The following RAPGEF2 variants were observed in gnomAD, a reference collection of about 807,000 sequenced individuals.
RAPGEF2 encodes PDZ domain containing guanine nucleotide exchange factor (GEF) 1.
In RAPGEF2, 54 loss-of-function variants were observed where a neutral mutation model predicts 186.7. The observed-to-expected ratio is 0.29, with a 90% confidence interval of 0.23 to 0.36. The LOEUF (loss-of-function observed/expected upper bound fraction) is 0.36. Ranked by LOEUF, RAPGEF2 falls within the 10% of genes least tolerant of loss-of-function variation. The probability of loss-of-function intolerance (pLI) is 1.00; values close to 1 mark genes in which losing one functional copy is unlikely to be tolerated. For missense variants in RAPGEF2, 1,532 were observed against 2,045.0 expected (o/e 0.75, Z 4.84); for synonymous variants, 712 against 705.9 (o/e 1.01, Z -0.14).
Position 159,260,429 on chromosome 4 carries a change from T to C in RAPGEF2, c.543+16638T>C, listed in dbSNP as rs958371993. On this transcript the variant is annotated intron_variant, in intron 7 of 29. Transcript: ENST00000691494. Reference sequence around the variant, plus strand: ...GTTTCCGTTAATGTAGTGTTTTTTTTCCTATGATTCTATATTATATCAGCC... The same window carrying C: ...GTTTCCGTTAATGTAGTGTTTTTTTCCCTATGATTCTATATTATATCAGCC... 8.5e-5 allele frequency among the ~76,000 whole-genome samples: 13 copies of C among 152,264 alleles called. 1 individual carries two copies. The highest frequency in any genetic ancestry group is 3.4e-3 in the Middle Eastern group (1 of 294).
At chr4:159,144,506 A>G (rs1037232229) in intron 1 of RAPGEF2, among the ~76,000 whole-genome samples, 31 of 152,234 alleles carry the variant, frequency 2.0e-4, no homozygotes, top group African/African-American at 6.0e-4. Context: ...GTTATGAGCT[A>G]TGAAGCTATC....
intron 7 of RAPGEF2, among the ~76,000 whole-genome samples, chr4:159,279,541 G>A (rs1031348646): frequency 7.9e-5 from 12 of 152,160 alleles, no homozygotes; most frequent in African/African-American, 2.7e-4. Context: ...ATAAAATGTA[G>A]AGTAACTTTA....
At chr4:159,120,136 C>T (rs1739497819) in intron 1 of RAPGEF2, among the ~76,000 whole-genome samples, 1 of 152,208 alleles carries the variant, frequency 6.6e-6, no homozygotes, top group South Asian at 2.1e-4. Context: ...TCTCGTGTCT[C>T]AGCCTCCTGA....
intron 4 of RAPGEF2, among the ~76,000 whole-genome samples, chr4:159,215,341 C>T (rs993595500): frequency 6.6e-6 from 1 of 151,674 alleles, no homozygotes. Flanking sequence ...CCCTGCTGAT[C>T]TGAAAAATAT....
At chr4:159,290,868 G>T (rs1761115008) in intron 7 of RAPGEF2, among the ~76,000 whole-genome samples, 1 of 152,176 alleles carries the variant, frequency 6.6e-6, no homozygotes, top group African/African-American at 2.4e-5. Flanking sequence ...TGTTCAGTCA[G>T]TTCTTGTATA....
At chr4:159,125,167 A>G (rs929931983) in intron 1 of RAPGEF2, among the ~76,000 whole-genome samples, 2 of 152,174 alleles carry the variant, frequency 1.3e-5, no homozygotes, top group African/African-American at 2.4e-5. Context: ...CCACACCCCA[A>G]TACCTGGCAT....
intron 4 of RAPGEF2, among the ~76,000 whole-genome samples, chr4:159,222,246 G>T (rs1751615330): frequency 1.3e-5 from 2 of 152,194 alleles, no homozygotes; most frequent in Non-Finnish European, 2.9e-5. Context: ...CATCGCAGAT[G>T]TGCTGTACAT....
intron 4 of RAPGEF2, among the ~76,000 whole-genome samples, chr4:159,230,104 T>G (rs902426822): frequency 6.6e-6 from 1 of 152,186 alleles, no homozygotes; most frequent in South Asian, 2.1e-4. Context: ...TAGACCATAG[T>G]GATCACATTT....
intron 8 of RAPGEF2, among the ~76,000 whole-genome samples, chr4:159,310,283 C>G (rs180938778): frequency 2.0e-5 from 3 of 152,190 alleles, no homozygotes; most frequent in African/African-American, 7.2e-5. Flanking sequence ...ATATACTCCT[C>G]GTAGGATTGT....
chr4:159,135,814 A>G (rs757502115), intron 1 of RAPGEF2, among the ~76,000 whole-genome samples: 3 of 151,670 alleles, frequency 2.0e-5, no homozygotes, highest in Admixed American at 6.6e-5. Context: ...GGCTAGGCTG[A>G]TCTCAAACTC....
chr4:159,323,280 G>A (rs539731862), intron 10 of RAPGEF2, among the ~76,000 whole-genome samples, 179 bp from the exon 11 acceptor site: 16 of 152,324 alleles, frequency 1.1e-4, no homozygotes, highest in African/African-American at 3.8e-4. Context: ...ATGGAAATAT[G>A]TAGATATGTG....
At chr4:159,240,017 A>G (rs1434958686) in intron 5 of RAPGEF2, among the ~76,000 whole-genome samples, 1 of 152,214 alleles carries the variant, frequency 6.6e-6, no homozygotes, top group African/African-American at 2.4e-5. Context: ...AACGTACTCA[A>G]GTGAGAAAGT....
At chr4:159,294,707 C>G (rs981210416) in intron 7 of RAPGEF2, among the ~76,000 whole-genome samples, 1 of 144,060 alleles carries the variant, frequency 6.9e-6, no homozygotes, top group Non-Finnish European at 1.5e-5. Flanking sequence ...TCCGTCTGTC[C>G]GTCCTTCCAT....
rs1190097220 is a variant in RAPGEF2 at position 159,322,354 on chromosome 4, C to T, written c.861C>T (p.Leu287=). ...IDRTDDDIEQ[L]LEFMHQLPAF... ...ATGTCTTTTGCTTTTCAGAACAACT[C>T]TTGGAATTTATGCACCAGTTGCCTG... The change falls in exon 10 of 30, where the codon CTC becomes CTT. Residue 287 remains leucine (L), a synonymous_variant. Coordinates refer to ENST00000691494, the MANE Select transcript of RAPGEF2 (RefSeq NM_001394067.2). The T allele has an allele frequency of 1.2e-6, 2 of 1,613,526 alleles. No individual in the cohort carries two copies.
At chr4:159,188,960 G>A (rs1017353828) in intron 2 of RAPGEF2, among the ~76,000 whole-genome samples, 4 of 152,168 alleles carry the variant, frequency 2.6e-5, no homozygotes, top group African/African-American at 9.7e-5. Flanking sequence ...ACTAATTTAA[G>A]TTCTTTTTTA....
At chr4:159,195,878 T>TTG in intron 3 of RAPGEF2, among the ~76,000 whole-genome samples, 1 of 42,970 alleles carries the variant, frequency 2.3e-5, no homozygotes, top group Non-Finnish European at 4.3e-5. Context: ...CATACCTGTT[T>TTG]TTTTTTTTTT....
intron 1 of RAPGEF2, among the ~76,000 whole-genome samples, chr4:159,143,771 G>GT (rs1742610671): frequency 6.6e-6 from 1 of 152,142 alleles, no homozygotes. Context: ...GAGGAAAAAT[G>GT]TTTTCTCTGA....
At chr4:159,220,209 C>T (rs564534218) in intron 4 of RAPGEF2, among the ~76,000 whole-genome samples, 69 of 152,182 alleles carry the variant, frequency 4.5e-4, no homozygotes, top group Non-Finnish European at 8.1e-4. Flanking sequence ...AGGGTGGTGG[C>T]TAGGACTTGT....
intron 3 of RAPGEF2, 30 bp from the exon 4 acceptor site, chr4:159,210,470 C>A: frequency 2.1e-6 from 3 of 1,440,494 alleles, no homozygotes; most frequent in Non-Finnish European, 2.8e-6. Context: ...TTATAGGTAA[C>A]AATCTGATTC....
Sources: gnomAD v4.1 joint callset for allele counts (sites outside exome capture counted in the v4.1 genomes callset) on GRCh38, gnomAD v4.1.1 for gene constraint, MANE v1.5 for transcripts, NCBI Gene and HGNC (gene_info 2026-07-23, HGNC 2026-07-21) for gene names.